Variants in MBP observed in about 807,000 individuals in gnomAD.
The protein encoded by MBP is myelin basic protein.
In MBP, 16 loss-of-function variants were observed where a neutral mutation model predicts 35.8. That is an observed-to-expected ratio of 0.45 (90% CI 0.30 to 0.68). The LOEUF is 0.68. Among genes scored for constraint, MBP ranks in the 30% least tolerant of loss-of-function variants. The probability of loss-of-function intolerance (pLI) is 0.08; values close to 1 mark genes in which losing one functional copy is unlikely to be tolerated. For missense variants in MBP, 380 were observed against 404.7 expected (o/e 0.94, Z 0.52); for synonymous variants, 143 against 159.6 (o/e 0.90, Z 0.78).
At chr18:77,051,841 G>A (rs1359602168) in intron 3 of MBP, among the ~76,000 whole-genome samples, 2 of 152,082 alleles carry the variant, frequency 1.3e-5, no homozygotes, top group African/African-American at 4.8e-5. Flanking sequence ...ATGTAACAGT[G>A]GGCTTAATTT....
At chr18:77,069,390 A>C (rs888525652) in intron 2 of MBP, among the ~76,000 whole-genome samples, 6 of 152,204 alleles carry the variant, frequency 3.9e-5, no homozygotes, top group Admixed American at 3.3e-4. Context: ...CTAATAGGAG[A>C]TCATATTCTT....
intron 4 of MBP, among the ~76,000 whole-genome samples, chr18:77,000,000 A>T (rs1970544835): frequency 6.6e-6 from 1 of 152,128 alleles, no homozygotes; most frequent in Admixed American, 6.5e-5. Context: ...GCACCTTGTG[A>T]TGTAGACTCA....
At chr18:77,122,240 G>C (rs981826671) in intron 1 of MBP, among the ~76,000 whole-genome samples, 5 of 152,214 alleles carry the variant, frequency 3.3e-5, no homozygotes, top group Non-Finnish European at 5.9e-5. Context: ...TTGCAATGTA[G>C]CATTTAAGCC....
In MBP at chr18:77,073,314, G is replaced by A. The variant is rs148964311; in HGVS notation, c.52-6929C>T. ...ACACTAGGCTCATGTTAAGAACAGTGGCACATTTGAGATTTTATCTACCCG... is the reference window on the plus strand; with the variant it reads ...ACACTAGGCTCATGTTAAGAACAGTAGCACATTTGAGATTTTATCTACCCG... On this transcript the variant is annotated intron_variant, in intron 2 of 8. Transcript: ENST00000355994. Among the ~76,000 whole-genome samples, 1,335 of 152,296 alleles carry A rather than the reference G, an allele frequency of 8.8e-3. 11 individuals are homozygous for A. Among genetic ancestry groups the A allele is most frequent in the Admixed American group, 0.012 (185 of 15,292 alleles).
At chr18:77,110,775 CAT>C (rs1333322129) in intron 1 of MBP, among the ~76,000 whole-genome samples, 1 of 152,094 alleles carries the variant, frequency 6.6e-6, no homozygotes, top group African/African-American at 2.4e-5. Context: ...GAAACTGTAA[CAT>C]GTTATACCTA....
Position 76,989,143 on chromosome 18 carries a change from G to C in MBP, c.682-231C>G. On this transcript the variant is annotated intron_variant, in intron 5 of 8. Transcript: ENST00000355994. This position sits in a 1 kb window ranked among gnomAD's most constrained non-coding sequence, Gnocchi z 4.0. ...CACTCAGGAAGTGTTTCAGAGGATG[G>C]AAAACACCTCCCAGAGGCTCCGTAG... is the stretch of plus-strand genomic sequence containing the variant. 3 of 685,236 alleles carry C rather than the reference G, an allele frequency of 4.4e-6. No homozygotes were observed. Among genetic ancestry groups the C allele is most frequent in the Non-Finnish European group, 8.0e-6 (3 of 374,574 alleles). 42.4% of individuals were successfully genotyped at this position (685,236 alleles called of 1,614,324 possible).
chr18:77,011,401 C>T lies in MBP; in HGVS notation c.576+5431G>A, dbSNP rs117101741. On this transcript the variant is annotated intron_variant, in intron 4 of 8. Coordinates refer to ENST00000355994, the MANE Select transcript of MBP (RefSeq NM_001025101.2). ...GCGAAGAACTTTCCATTAATTTTCC[C>T]TCCATCTCCTACAATGGCTCTTCTT... 3.4e-3 allele frequency among the ~76,000 whole-genome samples: 518 copies of T among 152,284 alleles called. 2 individuals carry two copies. The highest frequency in any genetic ancestry group is 5.5e-3 in the Non-Finnish European group (374 of 68,026).
intron 3 of MBP, among the ~76,000 whole-genome samples, chr18:77,041,597 C>G (rs1972996968): frequency 6.6e-6 from 1 of 151,944 alleles, no homozygotes; most frequent in Non-Finnish European, 1.5e-5. Flanking sequence ...ACTATGCAGC[C>G]ATAAAAAATG....
At chr18:76,999,289 C>T (rs928020761) in intron 4 of MBP, among the ~76,000 whole-genome samples, 1 of 152,094 alleles carries the variant, frequency 6.6e-6, no homozygotes, top group Non-Finnish European at 1.5e-5. Flanking sequence ...CGGAGGAGAC[C>T]GCTGAGGGCC....
At chr18:77,007,780 T>C (rs1465973678) in intron 4 of MBP, among the ~76,000 whole-genome samples, 1 of 152,182 alleles carries the variant, frequency 6.6e-6, no homozygotes. Flanking sequence ...TCCGCGTGTG[T>C]CCTGGAGTGT....
At chr18:77,008,525 G>A (rs963293146) in intron 4 of MBP, among the ~76,000 whole-genome samples, 3 of 152,188 alleles carry the variant, frequency 2.0e-5, no homozygotes, top group Admixed American at 6.5e-5. Context: ...CAGGGTGCAT[G>A]GTTGCCTCCA....
intron 4 of MBP, chr18:77,016,153 G>GTT (rs34095806): frequency 0.37 from 341,881 of 924,446 alleles, 18,738 homozygotes; most frequent in Middle Eastern, 0.41. Context: ...CCATAGCAGA[G>GTT]TTTTTTTTTT....
rs1969699962 is a variant in MBP, at chr18:76,988,525, C to T, written c.720G>A (p.Gly240=). ...TAAATCTGCTCAGGGACAGTCCTCT[C>T]CCCTGCATGAGGAAGACAGAGAAAT... ...PRTPPPSQGK[G]RGLSLSRFSW... is the part of the protein sequence containing the mutation. The change falls in exon 7 of 9, where the codon GGG becomes GGA. Residue 240 remains glycine (G), a splice_region_variant and synonymous_variant. Coordinates refer to ENST00000355994, the MANE Select transcript of MBP (RefSeq NM_001025101.2). The surrounding 1 kb of genome is among the most constrained non-coding windows in gnomAD (Gnocchi z 5.2). The T allele has an allele frequency of 6.2e-7, 1 of 1,611,812 alleles. No individual in the cohort carries two copies. The highest frequency in any genetic ancestry group is 1.3e-5 in the African/African-American group (1 of 74,824).
At position 77,131,843 on chromosome 18, in the gene MBP, G is replaced by A. The variant is rs1420971737; in HGVS notation, c.-26+737C>T. ...ACTGCCGGGAAGACCCGGGCGGGCC[G>A]GCGGGCGGCTGCGGGCGGCGCACGT... On this transcript the variant is annotated intron_variant, in intron 1 of 8. Coordinates refer to ENST00000355994, the MANE Select transcript of MBP (RefSeq NM_001025101.2). This position sits in a 1 kb window ranked among gnomAD's most constrained non-coding sequence, Gnocchi z 5.5. Among the ~76,000 whole-genome samples, 1 of 152,190 alleles carries A rather than the reference G, an allele frequency of 6.6e-6. No individual in the cohort carries two copies. The highest frequency in any genetic ancestry group is 1.9e-4 in the East Asian group (1 of 5,156).
At chr18:77,111,839 A>T (rs78552214) in intron 1 of MBP, among the ~76,000 whole-genome samples, 1,703 of 152,330 alleles carry the variant, frequency 0.011, 45 homozygotes, top group African/African-American at 0.039. Context: ...CTTCTTTGAC[A>T]TTTGAAAAAG....
At chr18:77,016,545 T>C (rs1971650102) in intron 4 of MBP, 4 of 1,277,120 alleles carry the variant, frequency 3.1e-6, no homozygotes, top group Non-Finnish European at 3.0e-6. Flanking sequence ...GCAACGCCCA[T>C]GTCCAGGCAC....
chr18:77,080,831 C>T (rs570389), intron 2 of MBP, among the ~76,000 whole-genome samples: 70,423 of 151,718 alleles, frequency 0.46, 16,682 homozygotes, highest in African/African-American at 0.55. Flanking sequence ...TACAGGTGCT[C>T]GCCACCACGC....
intron 2 of MBP, among the ~76,000 whole-genome samples, chr18:77,075,600 A>G (rs1278968874): frequency 2.0e-5 from 3 of 152,164 alleles, no homozygotes; most frequent in Non-Finnish European, 4.4e-5. Flanking sequence ...TAGCAGAGAG[A>G]AGAAAACTGC....
chr18:76,991,016 C>G (rs1969876520), intron 4 of MBP: 1 of 204,440 alleles, frequency 4.9e-6, no homozygotes, highest in Non-Finnish European at 1.1e-5. Context: ...AAAAATATTA[C>G]TTATCCCCAG....
Sources: gnomAD v4.1 joint callset for allele counts (sites outside exome capture counted in the v4.1 genomes callset) on GRCh38, gnomAD v4.1.1 for gene constraint, Gnocchi (gnomAD v3.1) non-coding constraint, MANE v1.5 for transcripts, NCBI Gene and HGNC (gene_info 2026-07-23, HGNC 2026-07-21) for gene names.